The following NAALADL2 variants were observed in gnomAD, a reference collection of about 807,000 sequenced individuals.
NAALADL2 encodes N-acetylated alpha-linked acidic dipeptidase like 2, also known as inactive N-acetylated-alpha-linked acidic dipeptidase-like protein 2.
A neutral mutation model predicts 87.2 loss-of-function variants in NAALADL2; 76 were observed. The ratio of observed to expected loss-of-function variants is 0.87; its 90% confidence interval spans 0.72 to 1.05. The LOEUF (loss-of-function observed/expected upper bound fraction) is 1.05. Ranked by LOEUF, NAALADL2 falls within the 50% of genes least tolerant of loss-of-function variation. The pLI is 0.00. For missense variants in NAALADL2, 1,089 were observed against 945.8 expected, an observed-to-expected ratio of 1.15 and a Z score of -1.99; for synonymous variants, 354 against 331.0, an observed-to-expected ratio of 1.07 and a Z score of -0.75.
chr3:174,954,964 G>T (rs989589569), intron 1 of NAALADL2, among the ~76,000 whole-genome samples: 1 of 149,094 alleles, frequency 6.7e-6, no homozygotes, highest in Admixed American at 6.7e-5. Context: ...TTCTACATCC[G>T]TTAACAACAA....
At chr3:174,644,604 T>C (rs1472537790) in intron 2 of NAALADL2, among the ~76,000 whole-genome samples, 1 of 152,050 alleles carries the variant, frequency 6.6e-6, no homozygotes, top group Non-Finnish European at 1.5e-5. Flanking sequence ...AAGAGTCAAC[T>C]GTAGCATTAA....
At chr3:175,035,622 G>A (rs1028455091) in intron 1 of NAALADL2, among the ~76,000 whole-genome samples, 1 of 150,870 alleles carries the variant, frequency 6.6e-6, no homozygotes, top group Non-Finnish European at 1.5e-5. Context: ...ATATAGCAAT[G>A]AATATATAAG....
chr3:174,928,705 A>G (rs771715182), intron 1 of NAALADL2, among the ~76,000 whole-genome samples: 11 of 152,228 alleles, frequency 7.2e-5, no homozygotes, highest in Admixed American at 4.6e-4. Flanking sequence ...ATCACATTAT[A>G]AAGTATAGTT....
At chr3:174,674,764 T>G (rs1726891132) in intron 2 of NAALADL2, among the ~76,000 whole-genome samples, 1 of 152,038 alleles carries the variant, frequency 6.6e-6, no homozygotes, top group Non-Finnish European at 1.5e-5. Flanking sequence ...CTTTGTATGT[T>G]TTTTTCTGAC....
intron 5 of NAALADL2, among the ~76,000 whole-genome samples, chr3:175,376,182 A>G (rs1241918184): frequency 6.6e-6 from 1 of 152,018 alleles, no homozygotes; most frequent in Non-Finnish European, 1.5e-5. Flanking sequence ...GTATTTTTAT[A>G]CCCTCCTAGT....
intron 2 of NAALADL2, among the ~76,000 whole-genome samples, chr3:174,562,134 T>A (rs961139075): frequency 6.6e-6 from 1 of 152,188 alleles, no homozygotes; most frequent in Non-Finnish European, 1.5e-5. Flanking sequence ...TTCTATCATT[T>A]CAAATTATAT....
At chr3:175,518,721 C>A (rs1732227577) in intron 9 of NAALADL2, among the ~76,000 whole-genome samples, 1 of 152,116 alleles carries the variant, frequency 6.6e-6, no homozygotes, top group African/African-American at 2.4e-5. Flanking sequence ...ATAACCCATT[C>A]ATCTATTAAC....
chr3:175,541,227 T>G (rs1712262473), intron 9 of NAALADL2, among the ~76,000 whole-genome samples: 1 of 152,232 alleles, frequency 6.6e-6, no homozygotes, highest in Non-Finnish European at 1.5e-5. Context: ...CCAAATCTGT[T>G]TTTAACTGAT....
intron 1 of NAALADL2, among the ~76,000 whole-genome samples, chr3:174,464,046 A>G (rs1003323587): frequency 4.6e-5 from 7 of 152,188 alleles, no homozygotes; most frequent in African/African-American, 1.4e-4. Context: ...AAACTTAGGA[A>G]GCTGATAAAC....
chr3:175,397,596 C>G (rs1270733517), intron 5 of NAALADL2, among the ~76,000 whole-genome samples: 2 of 152,136 alleles, frequency 1.3e-5, no homozygotes, highest in African/African-American at 4.8e-5. Context: ...GTTCAGTGAG[C>G]TGGACAAGTC....
chr3:175,186,902 AAATAATAAT>A (rs138724967), intron 2 of NAALADL2, among the ~76,000 whole-genome samples: 1 of 152,048 alleles, frequency 6.6e-6, no homozygotes, highest in African/African-American at 2.4e-5. Context: ...GCAATAGGGA[AAATAATAAT>A]AATAATAATT....
chr3:175,792,675 A>G (rs1456770558), intron 13 of NAALADL2, among the ~76,000 whole-genome samples: 19 of 152,226 alleles, frequency 1.2e-4, no homozygotes, highest in Non-Finnish European at 7.3e-5. Context: ...ATCTGGATAT[A>G]TTTGATTGAA....
chr3:175,569,868 T>TATAA (rs59786086), intron 9 of NAALADL2, among the ~76,000 whole-genome samples: 21,471 of 150,392 alleles, frequency 0.14, 1,673 homozygotes, highest in Middle Eastern at 0.17. Flanking sequence ...ACACTTTATA[T>TATAA]ATACATTAAT....
chr3:175,591,404 A>C (rs1239415229), intron 10 of NAALADL2, among the ~76,000 whole-genome samples: 1 of 152,156 alleles, frequency 6.6e-6, no homozygotes, highest in East Asian at 1.9e-4. Context: ...CCAGAGGGGA[A>C]AAAATGGAAA....
chr3:175,263,179 A>G (rs1351880604), intron 4 of NAALADL2, among the ~76,000 whole-genome samples: 2 of 151,930 alleles, frequency 1.3e-5, no homozygotes, highest in Non-Finnish European at 2.9e-5. Context: ...CTGTTTTCCA[A>G]TGATGGAAGT....
chr3:174,787,606 T>TATATATATATATATACACACAC (rs1716942849), intron 3 of NAALADL2, among the ~76,000 whole-genome samples: 2 of 104,820 alleles, frequency 1.9e-5, no homozygotes, highest in South Asian at 3.1e-4. Context: ...TATATATATA[T>TATATATATATATATACACACAC]ATATATATAT....
chr3:174,957,100 T>TA (rs1741255086), intron 1 of NAALADL2, among the ~76,000 whole-genome samples: 1 of 151,934 alleles, frequency 6.6e-6, no homozygotes, highest in South Asian at 2.1e-4. Flanking sequence ...TGTTCCCTGA[T>TA]AGAGTCAGTT....
At chr3:175,617,476 G>A (rs1213035545) in intron 10 of NAALADL2, among the ~76,000 whole-genome samples, 1 of 152,190 alleles carries the variant, frequency 6.6e-6, no homozygotes, top group African/African-American at 2.4e-5. Flanking sequence ...TGCTGCCTGG[G>A]CAGTCCTTCC....
At chr3:175,188,901 A>G (rs1200075306) in intron 2 of NAALADL2, among the ~76,000 whole-genome samples, 2 of 150,638 alleles carry the variant, frequency 1.3e-5, no homozygotes, top group Admixed American at 6.6e-5. Flanking sequence ...CCCAAGCCCG[A>G]GATCACACTT....
Sources: gnomAD v4.1 joint callset for allele counts (sites outside exome capture counted in the v4.1 genomes callset) on GRCh38, gnomAD v4.1.1 for gene constraint, MANE v1.5 for transcripts, NCBI Gene and HGNC (gene_info 2026-07-23, HGNC 2026-07-21) for gene names.